AFF3: variants seen among roughly 807,000 people sequenced by gnomAD.
AFF3 encodes AF4/FMR2 family member 3.
Under a neutral mutation model 129.7 loss-of-function variants are expected in AFF3, and 32 were observed. The ratio of observed to expected loss-of-function variants is 0.25; its 90% CI spans 0.19 to 0.33. The LOEUF (loss-of-function observed/expected upper bound fraction) is 0.33, where lower values mean the gene tolerates loss of function less well. Ranked by LOEUF, AFF3 falls within the 10% of genes least tolerant of loss-of-function variation. The pLI, the probability that AFF3 is intolerant of heterozygous loss-of-function variation, is 1.00. For missense variants in AFF3, 1,373 were observed against 1,592.0 expected (o/e 0.86, Z 2.34); for synonymous variants, 644 against 635.4 (o/e 1.01, Z -0.20).
At chr2:99,898,879 TG>T (rs1006800656) in intron 7 of AFF3, among the ~76,000 whole-genome samples, 1 of 152,190 alleles carries the variant, frequency 6.6e-6, no homozygotes, top group African/African-American at 2.4e-5. Flanking sequence ...ACTCCCACTT[TG>T]CCCTGCCCTC....
intron 7 of AFF3, among the ~76,000 whole-genome samples, chr2:99,981,557 A>G (rs1679406213): frequency 6.6e-6 from 1 of 152,178 alleles, no homozygotes; most frequent in Admixed American, 6.5e-5. Flanking sequence ...AAGTTTTGCC[A>G]GTTTGCTAGA....
At chr2:99,709,224 G>GA (rs1446423909) in intron 11 of AFF3, among the ~76,000 whole-genome samples, 1 of 151,778 alleles carries the variant, frequency 6.6e-6, no homozygotes, top group East Asian at 1.9e-4. Context: ...TCTCTTTTTT[G>GA]AAAAAAGTAT....
intron 7 of AFF3, among the ~76,000 whole-genome samples, chr2:100,000,090 A>G (rs1681241026): frequency 6.6e-6 from 1 of 152,198 alleles, no homozygotes. Flanking sequence ...CTGGTTAATC[A>G]TGTGGAGATA....
intron 4 of AFF3, among the ~76,000 whole-genome samples, chr2:100,096,221 C>T (rs1335799225): frequency 6.6e-6 from 1 of 152,104 alleles, no homozygotes; most frequent in African/African-American, 2.4e-5. Flanking sequence ...TATACAGTTA[C>T]TCTCAGCATT....
chr2:99,725,638 A>G (rs1046619714), intron 11 of AFF3, among the ~76,000 whole-genome samples: 1 of 152,160 alleles, frequency 6.6e-6, no homozygotes, highest in Non-Finnish European at 1.5e-5. Flanking sequence ...CTGGGAACGG[A>G]CATTTTAGAA....
At chr2:100,119,089 A>C (rs1453366718) in intron 2 of AFF3, among the ~76,000 whole-genome samples, 1 of 152,244 alleles carries the variant, frequency 6.6e-6, no homozygotes, top group East Asian at 1.9e-4. Context: ...GACGTGAGCC[A>C]CCACACCTAG....
At chr2:99,875,551 C>T (rs1692225781) in intron 7 of AFF3, among the ~76,000 whole-genome samples, 3 of 152,188 alleles carry the variant, frequency 2.0e-5, no homozygotes, top group South Asian at 2.1e-4. Context: ...ATTGTAGGCA[C>T]GCACTAGATA....
At chr2:99,734,926 G>T (rs1025079933) in intron 10 of AFF3, among the ~76,000 whole-genome samples, 2 of 152,092 alleles carry the variant, frequency 1.3e-5, no homozygotes, top group African/African-American at 4.8e-5. Flanking sequence ...CTCTGAAGAA[G>T]GGTGTAGGTT....
intron 7 of AFF3, among the ~76,000 whole-genome samples, chr2:99,981,313 C>A (rs919909920): frequency 6.6e-6 from 1 of 152,270 alleles, no homozygotes; most frequent in South Asian, 2.1e-4. Context: ...CCACCGTGCC[C>A]GGCCCAAAAT....
At chr2:99,676,127 T>C (rs1045215978) in intron 11 of AFF3, among the ~76,000 whole-genome samples, 9 of 151,908 alleles carry the variant, frequency 5.9e-5, no homozygotes, top group Non-Finnish European at 8.8e-5. Flanking sequence ...GTTACACCCC[T>C]ACTCCTGGGT....
At chr2:99,572,898 T>C (rs1301530530) in intron 18 of AFF3, among the ~76,000 whole-genome samples, 1 of 152,152 alleles carries the variant, frequency 6.6e-6, no homozygotes, top group Admixed American at 6.5e-5. Context: ...ACAGCTTTTA[T>C]TTCCACAACT....
chr2:100,014,177 A>C (rs1237272639), intron 4 of AFF3, among the ~76,000 whole-genome samples: 1 of 151,910 alleles, frequency 6.6e-6, no homozygotes, highest in Non-Finnish European at 1.5e-5. Flanking sequence ...ACTTTTAGGC[A>C]AGGGTATATG....
intron 7 of AFF3, among the ~76,000 whole-genome samples, chr2:99,962,065 A>G (rs1677278246): frequency 6.6e-6 from 1 of 151,972 alleles, no homozygotes; most frequent in Admixed American, 6.6e-5. Context: ...GCACACCAGA[A>G]AAGGGAATCC....
chr2:99,558,863 A>C lies in AFF3; in HGVS notation c.3285+12T>G, dbSNP rs774611054. On this transcript the variant is annotated intron_variant, in intron 22 of 24. Coordinates refer to ENST00000672756, the MANE Select transcript of AFF3 (RefSeq NM_001386135.1). ...AATTAAGGAACAATTCTGCTCATTC[A>C]CTAGACAGTACCTTGAAATAGTCGA... 4.3e-6 allele frequency: 7 copies of C among 1,611,552 alleles called. No homozygotes were observed. The highest frequency in any genetic ancestry group is 5.1e-6 in the Non-Finnish European group (6 of 1,177,988).
At chr2:99,834,995 T>C (rs1475410918) in intron 8 of AFF3, among the ~76,000 whole-genome samples, 3 of 152,208 alleles carry the variant, frequency 2.0e-5, no homozygotes, top group Non-Finnish European at 2.9e-5. Flanking sequence ...CTGTGTTTAC[T>C]TGAATGTCCC....
chr2:99,596,050 G>C (rs549287865), intron 14 of AFF3, among the ~76,000 whole-genome samples: 2 of 152,366 alleles, frequency 1.3e-5, no homozygotes, highest in East Asian at 3.9e-4. Flanking sequence ...TGCAGGTGGG[G>C]AAGGGGGGAC....
chr2:99,786,277 TA>T (rs1198970062), intron 8 of AFF3, among the ~76,000 whole-genome samples: 1 of 152,188 alleles, frequency 6.6e-6, no homozygotes, highest in Non-Finnish European at 1.5e-5. Flanking sequence ...TGGAGATTGA[TA>T]ACGGTATTTG....
At chr2:100,060,968 C>T (rs182507702) in intron 4 of AFF3, among the ~76,000 whole-genome samples, 1 of 152,208 alleles carries the variant, frequency 6.6e-6, no homozygotes, top group Non-Finnish European at 1.5e-5. Context: ...TCTTGAGGAA[C>T]ACTGCCAGGC....
intron 4 of AFF3, among the ~76,000 whole-genome samples, chr2:100,074,750 C>A (rs1357907714): frequency 6.6e-6 from 1 of 152,146 alleles, no homozygotes; most frequent in Non-Finnish European, 1.5e-5. Context: ...GCAGGTCCTT[C>A]CTAAGACTCA....
Sources: allele counts gnomAD v4.1 joint callset (sites outside exome capture counted in the v4.1 genomes callset), GRCh38; gene constraint gnomAD v4.1.1; transcripts MANE v1.5; gene names NCBI Gene and HGNC (gene_info 2026-07-23, HGNC 2026-07-21).